Variants in CRIM1 observed in about 807,000 individuals in gnomAD.
CRIM1 encodes the protein cysteine-rich motor neuron 1 protein.
Under a neutral mutation model 116.4 loss-of-function variants are expected in CRIM1, and 32 were observed. The ratio of observed to expected loss-of-function variants is 0.27; its 90% CI spans 0.21 to 0.37. The LOEUF is 0.37. Among genes scored for constraint, CRIM1 ranks in the 10% least tolerant of loss-of-function variants. The probability of loss-of-function intolerance (pLI) is 1.00; values close to 1 mark genes in which losing one functional copy is unlikely to be tolerated. For synonymous variants in CRIM1, 590 were observed against 509.2 expected, an observed-to-expected ratio of 1.16 and a Z score of -2.13; for missense variants, 1,331 against 1,354.8, an observed-to-expected ratio of 0.98 and a Z score of 0.28.
At chr2:36,472,785 A>G (rs1558342276) in intron 5 of CRIM1, among the ~76,000 whole-genome samples, 2 of 152,178 alleles carry the variant, frequency 1.3e-5, no homozygotes, top group African/African-American at 2.4e-5. Context: ...CAGCCTGCAA[A>G]TTTAATGTAT....
chr2:36,416,558 G>A (rs915546020), intron 2 of CRIM1, among the ~76,000 whole-genome samples: 2 of 152,222 alleles, frequency 1.3e-5, no homozygotes, highest in Non-Finnish European at 2.9e-5. Flanking sequence ...TCTTCTGAAA[G>A]GAAGAGACAT....
chr2:36,512,129 C>G, intron 9 of CRIM1, 144 bp from the exon 10 acceptor site: 1 of 909,068 alleles, frequency 1.1e-6, no homozygotes, highest in Non-Finnish European at 1.7e-6. Context: ...AGCTAATTAC[C>G]CATCACTCCA....
At chr2:36,378,317 G>T (rs181982708) in intron 1 of CRIM1, 1 of 471,114 alleles carries the variant, frequency 2.1e-6, no homozygotes, top group Admixed American at 2.3e-5. Flanking sequence ...GTTCATGATT[G>T]TCCTCCTAGG....
chr2:36,412,019 A>G (rs115435762), intron 2 of CRIM1, among the ~76,000 whole-genome samples: 5 of 152,058 alleles, frequency 3.3e-5, no homozygotes, highest in Non-Finnish European at 7.4e-5. Context: ...AGCTGACCCT[A>G]TTGAATTCAA....
At chr2:36,530,246 C>T (rs566873413) in intron 13 of CRIM1, among the ~76,000 whole-genome samples, 73 of 152,260 alleles carry the variant, frequency 4.8e-4, no homozygotes, top group Admixed American at 9.8e-4. Context: ...CATTCTTTTA[C>T]AGTCTGTAAA....
intron 2 of CRIM1, among the ~76,000 whole-genome samples, chr2:36,428,500 A>C (rs768546303): frequency 5.3e-5 from 8 of 152,244 alleles, no homozygotes; most frequent in Non-Finnish European, 8.8e-5. Flanking sequence ...ACTGTAGAAG[A>C]AGCCTGGGCT....
chr2:36,541,037 A>G (rs967554615), intron 14 of CRIM1, among the ~76,000 whole-genome samples: 7 of 152,126 alleles, frequency 4.6e-5, no homozygotes, highest in East Asian at 1.9e-4. Flanking sequence ...ACATTTTTCT[A>G]TCTTTAAGCA....
chr2:36,373,029 C>T (rs1280340610), intron 1 of CRIM1, among the ~76,000 whole-genome samples: 1 of 152,098 alleles, frequency 6.6e-6, no homozygotes, highest in Non-Finnish European at 1.5e-5. Context: ...AAAATCTGTT[C>T]CCAGACTTCC....
intron 7 of CRIM1, among the ~76,000 whole-genome samples, chr2:36,482,647 A>G (rs61077474): frequency 0.24 from 37,085 of 152,164 alleles, 4,755 homozygotes; most frequent in South Asian, 0.41. Flanking sequence ...GGAAAACCAG[A>G]AACACTGGTA....
chr2:36,527,467 G>T (rs755851589), intron 13 of CRIM1, among the ~76,000 whole-genome samples: 4 of 152,122 alleles, frequency 2.6e-5, no homozygotes, highest in Non-Finnish European at 5.9e-5. Context: ...CTTGTGTTGT[G>T]ACTGTATTTC....
At chr2:36,424,979 C>G (rs772494293) in intron 2 of CRIM1, among the ~76,000 whole-genome samples, 2 of 152,170 alleles carry the variant, frequency 1.3e-5, no homozygotes, top group African/African-American at 4.8e-5. Context: ...ATATGCTACC[C>G]TTCCTATTGG....
intron 2 of CRIM1, among the ~76,000 whole-genome samples, chr2:36,407,625 G>A (rs1022254623): frequency 1.3e-5 from 2 of 150,422 alleles, no homozygotes; most frequent in Non-Finnish European, 2.9e-5. Flanking sequence ...GCAGTTGTTG[G>A]TTGAATAATT....
chr2:36,545,748 C>A (rs1339914169), intron 15 of CRIM1, among the ~76,000 whole-genome samples: 1 of 152,064 alleles, frequency 6.6e-6, no homozygotes, highest in Admixed American at 6.6e-5. Flanking sequence ...TTCACCAAGA[C>A]CTTCCTTAAT....
chr2:36,420,102 C>T (rs1032294073), intron 2 of CRIM1, among the ~76,000 whole-genome samples: 13 of 152,116 alleles, frequency 8.5e-5, no homozygotes, highest in Non-Finnish European at 1.8e-4. Flanking sequence ...TCCCAACTTC[C>T]TGCCCTCTTT....
chr2:36,457,053 G>A (rs55653640), intron 4 of CRIM1, among the ~76,000 whole-genome samples: 7,543 of 152,148 alleles, frequency 0.05, 270 homozygotes, highest in Non-Finnish European at 0.068. Context: ...TGCCAGCCTC[G>A]AGGAGGAAGC....
chr2:36,517,730 C>T (rs1032102695), intron 12 of CRIM1, among the ~76,000 whole-genome samples, 188 bp downstream of exon 12: 1 of 152,202 alleles, frequency 6.6e-6, no homozygotes, highest in African/African-American at 2.4e-5. Flanking sequence ...TTTATGCAGT[C>T]AGCATGCCTC....
At chr2:36,480,045 C>T (rs1023664117) in intron 7 of CRIM1, among the ~76,000 whole-genome samples, 6 of 152,170 alleles carry the variant, frequency 3.9e-5, no homozygotes, top group African/African-American at 7.2e-5. Context: ...AATCTTAGCA[C>T]CTTTGACTTG....
intron 4 of CRIM1, among the ~76,000 whole-genome samples, chr2:36,464,259 G>A (rs751993996): frequency 2.4e-4 from 36 of 152,190 alleles, no homozygotes; most frequent in Non-Finnish European, 7.3e-5. Flanking sequence ...GTCTGGTTAA[G>A]TAAGAAATGA....
chr2:36,403,699 T>C lies in CRIM1; in HGVS notation c.505+6912T>C, dbSNP rs571698274. Among the ~76,000 whole-genome samples, 13 of 152,216 alleles carry C rather than the reference T, an allele frequency of 8.5e-5. No homozygotes were observed. In the East Asian group the frequency reaches 1.5e-3, roughly 18 times the overall value. ...GTGGGAGGACTATTATCAAGATAAA[T>C]GCTGGAGAGGAGGTGGTCAGGATAG... On this transcript the variant is annotated intron_variant, in intron 2 of 16. Transcript: ENST00000280527.
Sources: allele counts gnomAD v4.1 joint callset (sites outside exome capture counted in the v4.1 genomes callset), GRCh38; gene constraint gnomAD v4.1.1; transcripts MANE v1.5; gene names NCBI Gene and HGNC (gene_info 2026-07-23, HGNC 2026-07-21).